PTPRN2: variants seen among roughly 807,000 people sequenced by gnomAD.
PTPRN2 encodes receptor-type tyrosine-protein phosphatase N2.
In PTPRN2, 74 loss-of-function variants were observed where a neutral mutation model predicts 118.8. The observed-to-expected ratio is 0.62, with a 90% CI of 0.52 to 0.76. The LOEUF (loss-of-function observed/expected upper bound fraction) is 0.76, where lower values mean the gene tolerates loss of function less well. Among genes scored for constraint, PTPRN2 ranks in the 30% least tolerant of loss-of-function variants. The probability of loss-of-function intolerance (pLI) is 0.00; values close to 1 mark genes in which losing one functional copy is unlikely to be tolerated. For missense variants in PTPRN2, 1,481 were observed against 1,394.4 expected (o/e 1.06, Z -0.99); for synonymous variants, 641 against 608.0 (o/e 1.05, Z -0.80).
intron 1 of PTPRN2, among the ~76,000 whole-genome samples, chr7:158,583,698 T>C (rs1828762891): frequency 6.6e-6 from 1 of 152,160 alleles, no homozygotes; most frequent in Non-Finnish European, 1.5e-5. Context: ...CACCTCCTTC[T>C]TCCAGAAGCC....
intron 3 of PTPRN2, among the ~76,000 whole-genome samples, chr7:158,269,905 TAGAGACAGAGAAACAGAG>T (rs959643254): frequency 2.2e-3 from 319 of 145,444 alleles, no homozygotes; most frequent in African/African-American, 8.1e-3. Flanking sequence ...GACAGAGACA[TAGAGACAGAGAAACAGAG>T]AGACAGAGAT....
At chr7:157,709,697 G>A (rs1798505063) in intron 12 of PTPRN2, among the ~76,000 whole-genome samples, 1 of 152,328 alleles carries the variant, frequency 6.6e-6, no homozygotes, top group South Asian at 2.1e-4. Context: ...CAGGAGCTGC[G>A]CCACACACCC....
intron 2 of PTPRN2, among the ~76,000 whole-genome samples, chr7:158,353,188 A>G (rs1191637470): frequency 6.6e-6 from 1 of 152,186 alleles, no homozygotes; most frequent in East Asian, 1.9e-4. Flanking sequence ...ACATCATCCA[A>G]TACCACGATG....
chr7:157,945,304 C>T (rs537141937), intron 11 of PTPRN2, among the ~76,000 whole-genome samples: 41 of 152,158 alleles, frequency 2.7e-4, no homozygotes, highest in African/African-American at 5.1e-4. Context: ...TCCAGACTCA[C>T]AGCCTCCGCC....
At chr7:157,612,137 C>G (rs1246343236) in intron 15 of PTPRN2, among the ~76,000 whole-genome samples, 1 of 152,228 alleles carries the variant, frequency 6.6e-6, no homozygotes, top group Non-Finnish European at 1.5e-5. Flanking sequence ...CTGAGCAGCA[C>G]CTGGTGCCTG....
rs112591793 is a variant in PTPRN2 at position 157,587,374 on chromosome 7, G to A, written c.2496+7864C>T. Among the ~76,000 whole-genome samples the A allele has an allele frequency of 2.7e-3, 415 of 152,322 alleles. 3 individuals carry two copies. Among genetic ancestry groups the A allele is most frequent in the African/African-American group, 9.4e-3 (392 of 41,550 alleles). ...TCTCCTGCACCTCGGCCTTGTCACC[G>A]GTGGCTGGCAGGCAGTTGGAAGGAA... On this transcript the variant is annotated intron_variant, in intron 17 of 22. Coordinates refer to ENST00000389418, the MANE Select transcript of PTPRN2 (RefSeq NM_002847.5). The surrounding 1 kb of genome is among the most constrained non-coding windows in gnomAD (Gnocchi z 5.3).
At chr7:157,792,875 C>T (rs914380294) in intron 12 of PTPRN2, among the ~76,000 whole-genome samples, 12 of 152,172 alleles carry the variant, frequency 7.9e-5, no homozygotes, top group African/African-American at 2.4e-4. Flanking sequence ...ATGGGCACTG[C>T]GCTTCAACTT....
intron 6 of PTPRN2, among the ~76,000 whole-genome samples, chr7:158,158,020 G>A (rs1484378966): frequency 6.6e-6 from 1 of 152,150 alleles, no homozygotes; most frequent in African/African-American, 2.4e-5. Flanking sequence ...GTGAGAGGCG[G>A]CCTCTGTGTG....
intron 3 of PTPRN2, among the ~76,000 whole-genome samples, chr7:158,297,743 C>A (rs1800599892): frequency 1.3e-5 from 2 of 152,198 alleles, no homozygotes; most frequent in African/African-American, 4.8e-5. Context: ...TAACTAACCC[C>A]CATCCTACCT....
chr7:158,082,508 G>T (rs780186340), intron 10 of PTPRN2, among the ~76,000 whole-genome samples: 1 of 152,190 alleles, frequency 6.6e-6, no homozygotes, highest in Admixed American at 6.5e-5. Flanking sequence ...GGGGACTGTC[G>T]TGCCATTACG....
At chr7:158,067,318 G>A (rs1336636494) in intron 11 of PTPRN2, among the ~76,000 whole-genome samples, 4 of 152,242 alleles carry the variant, frequency 2.6e-5, no homozygotes, top group Non-Finnish European at 5.9e-5. Flanking sequence ...CCGGCCAGCA[G>A]GCATTTGCTG....
intron 3 of PTPRN2, among the ~76,000 whole-genome samples, chr7:158,311,776 G>A (rs1801758676): frequency 6.6e-6 from 1 of 152,206 alleles, no homozygotes; most frequent in South Asian, 2.1e-4. Flanking sequence ...AATCATTTCT[G>A]GAATCCTGAA....
chr7:158,417,331 GC>G (rs1170181007), intron 2 of PTPRN2, among the ~76,000 whole-genome samples: 1 of 151,778 alleles, frequency 6.6e-6, no homozygotes, highest in African/African-American at 2.4e-5. Flanking sequence ...ACATCGAGAT[GC>G]TGAAGCTTTC....
At chr7:157,778,721 C>T (rs1049159704) in intron 12 of PTPRN2, among the ~76,000 whole-genome samples, 2 of 149,406 alleles carry the variant, frequency 1.3e-5, no homozygotes, top group African/African-American at 5.0e-5. Flanking sequence ...AACATGTCCA[C>T]CTGAATACAG....
At chr7:158,193,749 G>A (rs545217914) in intron 4 of PTPRN2, among the ~76,000 whole-genome samples, 1 of 152,030 alleles carries the variant, frequency 6.6e-6, no homozygotes, top group Non-Finnish European at 1.5e-5. Flanking sequence ...CAGCCCCCAC[G>A]GAGGCCTTTG....
chr7:158,196,693 G>GAACA (rs1211289648), intron 4 of PTPRN2, among the ~76,000 whole-genome samples: 1 of 152,220 alleles, frequency 6.6e-6, no homozygotes, highest in African/African-American at 2.4e-5. Context: ...CCCACGGCTA[G>GAACA]TGAGGATCTT....
At chr7:158,064,531 G>A (rs895442383) in intron 11 of PTPRN2, among the ~76,000 whole-genome samples, 1 of 152,128 alleles carries the variant, frequency 6.6e-6, no homozygotes, top group African/African-American at 2.4e-5. Flanking sequence ...CTGCCCCATG[G>A]TTTCCTGTCC....
At chr7:158,501,946 G>T (rs1294157593) in intron 1 of PTPRN2, among the ~76,000 whole-genome samples, 5 of 152,168 alleles carry the variant, frequency 3.3e-5, no homozygotes, top group African/African-American at 4.8e-5. Flanking sequence ...GCGGATGCCT[G>T]CGATGTCCGA....
intron 17 of PTPRN2, among the ~76,000 whole-genome samples, chr7:157,581,648 C>T (rs962880547): frequency 3.9e-5 from 6 of 152,192 alleles, no homozygotes; most frequent in African/African-American, 1.2e-4. Flanking sequence ...GTGCAGACTT[C>T]GGCTGTTATT....
Sources: allele counts gnomAD v4.1 joint callset (sites outside exome capture counted in the v4.1 genomes callset), GRCh38; gene constraint gnomAD v4.1.1; non-coding constraint Gnocchi (gnomAD v3.1); transcripts MANE v1.5; gene names NCBI Gene and HGNC (gene_info 2026-07-23, HGNC 2026-07-21).